Variants in ANKRD62 observed in about 807,000 individuals in gnomAD.
ANKRD62 encodes ankyrin repeat domain-containing protein 62.
A neutral mutation model predicts 98.8 loss-of-function variants in ANKRD62; 61 were observed. That is an observed-to-expected ratio of 0.62 (90% CI 0.50 to 0.76). The LOEUF is 0.76. Among genes scored for constraint, ANKRD62 ranks in the 30% least tolerant of loss-of-function variants. The probability of loss-of-function intolerance (pLI) is 0.00; values close to 1 mark genes in which losing one functional copy is unlikely to be tolerated. For synonymous variants in ANKRD62, 341 were observed against 367.9 expected, an observed-to-expected ratio of 0.93 and a Z score of 0.84; for missense variants, 933 against 1,082.9, an observed-to-expected ratio of 0.86 and a Z score of 1.94.
intron 8 of ANKRD62, among the ~76,000 whole-genome samples, 168 bp from the exon 9 acceptor site, chr18:12,114,920 T>TA (rs920157175): frequency 4.6e-5 from 7 of 151,898 alleles, no homozygotes; most frequent in Admixed American, 1.3e-4. Flanking sequence ...TTTCCCCTTG[T>TA]AAAAAAAATT....
chr18:12,094,515 T>A (rs927625216), intron 1 of ANKRD62, among the ~76,000 whole-genome samples: 1 of 52 alleles, frequency 0.019, no homozygotes, highest in African/African-American at 0.5. Flanking sequence ...GTGGGATGGG[T>A]TGGGGGACTG....
chr18:12,178,905 GT>G, the ANKRD62 span, among the ~76,000 whole-genome samples: 2 of 120,884 alleles, frequency 1.7e-5, no homozygotes, highest in East Asian at 6.0e-4. Flanking sequence ...TGATCCCCAG[GT>G]GATGGTGTCA....
the ANKRD62 span, among the ~76,000 whole-genome samples, chr18:12,161,666 C>G: frequency 6.6e-6 from 1 of 152,126 alleles, no homozygotes; most frequent in Non-Finnish European, 1.5e-5. Context: ...ACTCCCATCT[C>G]CACCTCCTTG....
At chr18:12,175,326 G>A in the ANKRD62 span, among the ~76,000 whole-genome samples, 1 of 152,050 alleles carries the variant, frequency 6.6e-6, no homozygotes, top group Non-Finnish European at 1.5e-5. Flanking sequence ...AGTGGAGCTC[G>A]CTGGCTGTGT....
downstream of ANKRD62, among the ~76,000 whole-genome samples, chr18:12,129,911 G>T (rs748203590): frequency 1.7e-4 from 26 of 152,094 alleles, no homozygotes; most frequent in Admixed American, 1.3e-4. Context: ...CACACCTAAA[G>T]GTTGTTTTTA....
intron 4 of ANKRD62, among the ~76,000 whole-genome samples, chr18:12,097,228 T>G (rs949153657): frequency 1.3e-5 from 2 of 152,216 alleles, no homozygotes; most frequent in Non-Finnish European, 2.9e-5. Context: ...ATTAGCATTA[T>G]TATTATTGTT....
chr18:12,108,056 T>A (rs1000635475), intron 8 of ANKRD62, among the ~76,000 whole-genome samples: 3 of 152,220 alleles, frequency 2.0e-5, no homozygotes, highest in Non-Finnish European at 4.4e-5. Flanking sequence ...TGTAAAAGTC[T>A]GTTAATTAAA....
chr18:12,095,409 A>G (rs767895287), intron 2 of ANKRD62, 28 bp from the exon 3 acceptor site: 7 of 1,553,260 alleles, frequency 4.5e-6, no homozygotes, highest in Non-Finnish European at 6.1e-6. Context: ...TAGAATTTAC[A>G]GTCTATTTCT....
At chr18:12,115,981 G>A (rs989238574) in intron 10 of ANKRD62, among the ~76,000 whole-genome samples, 20 of 152,040 alleles carry the variant, frequency 1.3e-4, no homozygotes, top group African/African-American at 4.6e-4. Context: ...ATTGCTATAA[G>A]GTAAAGATGA....
At chr18:12,136,474 G>A in the ANKRD62 span, among the ~76,000 whole-genome samples, 1 of 152,198 alleles carries the variant, frequency 6.6e-6, no homozygotes, top group Non-Finnish European at 1.5e-5. Context: ...AAGTCAGGTG[G>A]CCTGATGCCT....
At chr18:12,140,782 T>A in the ANKRD62 span, among the ~76,000 whole-genome samples, 2 of 152,234 alleles carry the variant, frequency 1.3e-5, no homozygotes, top group African/African-American at 4.8e-5. Context: ...CCAGTTAGGC[T>A]ACTAGAGTGT....
At chr18:12,159,442 C>A in the ANKRD62 span, among the ~76,000 whole-genome samples, 1 of 152,184 alleles carries the variant, frequency 6.6e-6, no homozygotes, top group African/African-American at 2.4e-5. Context: ...CTCCCCAAGG[C>A]TAGCTTTCTA....
the ANKRD62 span, among the ~76,000 whole-genome samples, chr18:12,168,958 G>A: frequency 2.0e-5 from 3 of 152,158 alleles, no homozygotes; most frequent in African/African-American, 7.2e-5. Flanking sequence ...GTATAAGAAT[G>A]CCTGTGATTT....
At chr18:12,132,083 G>C (rs1182087299), downstream of ANKRD62, among the ~76,000 whole-genome samples, 1 of 151,838 alleles carries the variant, frequency 6.6e-6, no homozygotes, top group Non-Finnish European at 1.5e-5. Flanking sequence ...TATTTTCTTA[G>C]ATCTTCTTTG....
the ANKRD62 span, among the ~76,000 whole-genome samples, chr18:12,166,142 T>C: frequency 6.6e-6 from 1 of 152,282 alleles, no homozygotes; most frequent in Admixed American, 6.5e-5. Context: ...CTGCTTGGTG[T>C]TCTATAACCT....
chr18:12,118,073 A>T (rs75502960), intron 10 of ANKRD62, among the ~76,000 whole-genome samples: 1 of 152,198 alleles, frequency 6.6e-6, no homozygotes, highest in African/African-American at 2.4e-5. Flanking sequence ...GGCACATCAG[A>T]ATCACCTGCA....
At chr18:12,114,285 C>G (rs1043666995) in intron 8 of ANKRD62, among the ~76,000 whole-genome samples, 76 of 151,944 alleles carry the variant, frequency 5.0e-4, no homozygotes, top group African/African-American at 1.8e-3. Context: ...TACCACTGAA[C>G]TTAAAAAAAA....
chr18:12,158,594 C>T, the ANKRD62 span, among the ~76,000 whole-genome samples: 3 of 151,786 alleles, frequency 2.0e-5, no homozygotes, highest in Non-Finnish European at 4.4e-5. Context: ...GGTGCCATCT[C>T]GGCTCACCGC....
rs1404947840 is a variant in ANKRD62, at chr18:12,093,941, A to G, written c.-77A>G. On this transcript the variant is annotated 5_prime_UTR_variant, in exon 1 of 14. Coordinates refer to ENST00000587848, the MANE Select transcript of ANKRD62 (RefSeq NM_001277333.2). ...TGGTTACGTGCTGGTGCTGCGCTCC[A>G]GAGAGGCAGAAAACGAGTGGGAGCT... The G allele has an allele frequency of 2.1e-6, 3 of 1,420,240 alleles. No individual in the cohort carries two copies. Among genetic ancestry groups the G allele is most frequent in the Non-Finnish European group, 2.9e-6 (3 of 1,046,088 alleles). The allele number at this position is 1,420,240 out of a possible 1,614,324, so 88.0% of individuals were successfully genotyped here.
Sources: allele counts gnomAD v4.1 joint callset (sites outside exome capture counted in the v4.1 genomes callset), GRCh38; gene constraint gnomAD v4.1.1; transcripts MANE v1.5; gene names NCBI Gene and HGNC (gene_info 2026-07-23, HGNC 2026-07-21).